The following HPS1 variants were observed in gnomAD, a reference collection of about 807,000 sequenced individuals.
HPS1 encodes BLOC-3 complex member HPS1.
In HPS1, 59 loss-of-function variants were observed where a neutral mutation model predicts 90.6. The observed-to-expected ratio is 0.65, with a 90% confidence interval of 0.53 to 0.81. The LOEUF is 0.81. HPS1 is among the 30% of genes least tolerant of loss of function. The probability of loss-of-function intolerance (pLI) is 0.00; values close to 1 mark genes in which losing one functional copy is unlikely to be tolerated. For synonymous variants in HPS1, 388 were observed against 384.4 expected (o/e 1.01, Z -0.11); for missense variants, 849 against 896.7 (o/e 0.95, Z 0.68).
chr10:98,435,355 C>T lies in HPS1; in HGVS notation c.315G>A (p.Leu105=). The T allele has an allele frequency of 5.6e-6, 9 of 1,614,020 alleles. No homozygotes were observed. Among genetic ancestry groups the T allele is most frequent in the Non-Finnish European group, 7.6e-6 (9 of 1,180,002 alleles). Reference sequence around the variant, plus strand: ...ACTTGAGCACATACAGCTTCCGCCGCAGGTCCCCCTCGCTCTCGGTGTGGT... The same window carrying T: ...ACTTGAGCACATACAGCTTCCGCCGTAGGTCCCCCTCGCTCTCGGTGTGGT... ...NGDHTESEGD[L]RRKLYVLKYL... The change falls in exon 5 of 20, where the codon CTG becomes CTA. Residue 105 remains leucine, a synonymous_variant. Transcript: ENST00000361490. This position sits in a 1 kb window ranked among gnomAD's most constrained non-coding sequence, Gnocchi z 4.3.
chr10:98,433,157 G>A (rs1469257618), intron 6 of HPS1, among the ~76,000 whole-genome samples: 9 of 151,694 alleles, frequency 5.9e-5, no homozygotes, highest in Non-Finnish European at 1.2e-4. Flanking sequence ...GCTTGAACCC[G>A]GGAAGCAGAG....
chr10:98,414,567 T>A (rs1169918259), downstream of HPS1, among the ~76,000 whole-genome samples: 1 of 152,114 alleles, frequency 6.6e-6, no homozygotes, highest in Non-Finnish European at 1.5e-5. Flanking sequence ...GTGGCCTCAG[T>A]GGTAAGGTAG....
intron 6 of HPS1, among the ~76,000 whole-genome samples, chr10:98,433,123 T>A (rs1315997929): frequency 6.6e-6 from 1 of 150,894 alleles, no homozygotes; most frequent in African/African-American, 2.4e-5. Context: ...TCCCAGCTAC[T>A]CAGGAGGCTG....
At chr10:98,433,226 C>A in intron 6 of HPS1, among the ~76,000 whole-genome samples, 2 of 128,970 alleles carry the variant, frequency 1.6e-5, no homozygotes, top group Non-Finnish European at 1.6e-5. Flanking sequence ...AGCGAGACTC[C>A]ATCTCAAAAA....
chr10:98,427,391 G>T (rs1352358989), intron 10 of HPS1, 127 bp from the exon 11 acceptor site: 3 of 749,364 alleles, frequency 4.0e-6, no homozygotes, highest in African/African-American at 1.7e-5. Flanking sequence ...CTCCACGCAG[G>T]GGTGCTAATG....
rs1236633468 is a variant in HPS1 at position 98,418,165 on chromosome 10, G to A, written c.1940+10C>T. Reference sequence around the variant, plus strand: ...GCATCTGTCCCCAGTGGCTCCCAACGCAGCGTCACCTGTAGTAGTCTCCTC... The same window carrying A: ...GCATCTGTCCCCAGTGGCTCCCAACACAGCGTCACCTGTAGTAGTCTCCTC... On this transcript the variant is annotated intron_variant, in intron 19 of 19. Transcript: ENST00000361490. 8.8e-6 allele frequency: 14 copies of A among 1,582,796 alleles called. No individual in the cohort carries two copies. Among genetic ancestry groups the A allele is most frequent in the Admixed American group, 1.7e-5 (1 of 58,684 alleles).
At chr10:98,433,631 A>G (rs1175201057) in intron 6 of HPS1, among the ~76,000 whole-genome samples, 2 of 152,248 alleles carry the variant, frequency 1.3e-5, no homozygotes, top group African/African-American at 4.8e-5. Flanking sequence ...TCTTGCCTTT[A>G]GCGCTGTGTT....
At chr10:98,414,243 T>A (rs1172016431), downstream of HPS1, 4 of 152,112 alleles carry the variant, frequency 2.6e-5, no homozygotes, top group East Asian at 7.7e-4. Context: ...CTGCTTTCGG[T>A]CCCGTCATTA....
intron 8 of HPS1, 123 bp from the exon 9 acceptor site, chr10:98,430,012 A>G (rs1004353234): frequency 9.9e-6 from 8 of 807,070 alleles, no homozygotes; most frequent in Middle Eastern, 5.5e-4. Flanking sequence ...TTCCGGGTGC[A>G]GTCCTGGGTG....
At chr10:98,414,395 T>C (rs1843903603), downstream of HPS1, 1 of 131,650 alleles carries the variant, frequency 7.6e-6, no homozygotes, top group African/African-American at 3.3e-5. Flanking sequence ...AGCCCAGGGG[T>C]TGGCAAAGTG....
intron 3 of HPS1, chr10:98,442,871 C>T (rs74154479): frequency 2.4e-4 from 123 of 513,634 alleles, no homozygotes; most frequent in African/African-American, 2.1e-3. Context: ...TGATAAAATT[C>T]GACTTCTTCT....
chr10:98,436,888 G>T (rs1224632310), intron 3 of HPS1, among the ~76,000 whole-genome samples: 13 of 152,144 alleles, frequency 8.5e-5, no homozygotes, highest in Admixed American at 8.5e-4. Flanking sequence ...AGTACAAGTG[G>T]GACACAGCAC....
chr10:98,429,969 A>T, intron 8 of HPS1, 80 bp from the exon 9 acceptor site: 1 of 1,322,652 alleles, frequency 7.6e-7, no homozygotes, highest in Non-Finnish European at 1.1e-6. Context: ...AGCGCTTCAC[A>T]GAGAAGCCTC....
chr10:98,439,355 G>A (rs71486159), intron 3 of HPS1, among the ~76,000 whole-genome samples: 4,377 of 152,312 alleles, frequency 0.029, 103 homozygotes, highest in Non-Finnish European at 0.043. Context: ...GAAAACAGCT[G>A]GGAAGAGGAC....
Position 98,424,354 on chromosome 10 carries a change from C to T in HPS1, c.1356G>A (p.Lys452=). ...GCTCACTTTTGGAGAAAGCCTTGGC[C>T]TTAAACTCCAGCCAGGTGCTCTGGA... ...QEIQSTWLEF[K]AKAFSKSEPG... is the part of the protein sequence containing the mutation. The change falls in exon 14 of 20, where the codon AAG becomes AAA. Residue 452 remains lysine (K), a synonymous_variant. Coordinates refer to ENST00000361490, the MANE Select transcript of HPS1 (RefSeq NM_000195.5). 6.2e-7 allele frequency: 1 copy of T among 1,612,882 alleles called. No homozygotes were observed. Among genetic ancestry groups the T allele is most frequent in the East Asian group, 2.2e-5 (1 of 44,884 alleles).
At chr10:98,443,053 C>G in intron 3 of HPS1, 71 bp downstream of exon 3, 2 of 1,112,174 alleles carry the variant, frequency 1.8e-6, no homozygotes, top group Admixed American at 1.7e-5. Flanking sequence ...TTTCCTGCCT[C>G]TCTGCCTGCT....
chr10:98,432,904 C>T (rs1846690261), intron 6 of HPS1, among the ~76,000 whole-genome samples: 1 of 141,030 alleles, frequency 7.1e-6, no homozygotes, highest in Non-Finnish European at 1.6e-5. Flanking sequence ...GGTTCCTGGA[C>T]AAGCACAATA....
intron 10 of HPS1, among the ~76,000 whole-genome samples, chr10:98,428,629 G>A (rs1845919231): frequency 6.6e-6 from 1 of 151,274 alleles, no homozygotes; most frequent in Admixed American, 6.6e-5. Flanking sequence ...CTAGTCCCCA[G>A]TAGGTTTCTC....
chr10:98,430,516 T>G (rs1846285783), intron 8 of HPS1, 55 bp downstream of exon 8: 20 of 1,414,980 alleles, frequency 1.4e-5, no homozygotes, highest in Non-Finnish European at 1.9e-5. Flanking sequence ...TTCAGGCAGG[T>G]TTTCTGAACT....
Sources: gnomAD v4.1 joint callset for allele counts (sites outside exome capture counted in the v4.1 genomes callset) on GRCh38, gnomAD v4.1.1 for gene constraint, Gnocchi (gnomAD v3.1) non-coding constraint, MANE v1.5 for transcripts, NCBI Gene and HGNC (gene_info 2026-07-23, HGNC 2026-07-21) for gene names.